The following VWA5B1 variants were observed in gnomAD, a reference collection of about 807,000 sequenced individuals.
VWA5B1 encodes the protein von Willebrand factor A domain-containing protein 5B1.
VWA5B1 carries 115 observed loss-of-function variants against 118.2 expected under a neutral mutation model. The observed-to-expected ratio is 0.97, with a 90% CI of 0.84 to 1.14. VWA5B1 has a LOEUF of 1.14. VWA5B1 is among the 50% of genes most tolerant of loss of function. The pLI is 0.00. For synonymous variants in VWA5B1, 682 were observed against 658.4 expected (o/e 1.04, Z -0.55); for missense variants, 1,596 against 1,603.8 (o/e 1.00, Z 0.08).
At chr1:20,306,612 T>C (rs1570066514) in intron 1 of VWA5B1, among the ~76,000 whole-genome samples, 2 of 152,354 alleles carry the variant, frequency 1.3e-5, no homozygotes, top group East Asian at 3.9e-4. Context: ...GGGAGGCTGC[T>C]GGCACTCATT....
Position 20,310,623 on chromosome 1 carries a change from A to G in VWA5B1, c.22A>G (p.Ile8Val). The change falls in exon 2 of 22, where the codon ATC becomes GTC. Residue 8 changes from isoleucine (I) to valine (V), a missense_variant. Transcript: ENST00000289815. MPGLLNW[I>V]TGAALPLTAS... ...CGGGATGCCCGGCTTGCTGAATTGG[A>G]TCACGGGGGCAGCCCTGCCCCTCAC... The G allele has an allele frequency of 6.5e-7, 1 of 1,545,578 alleles. No individual in the cohort carries two copies. The highest frequency in any genetic ancestry group is 1.2e-5 in the South Asian group (1 of 83,074).
At chr1:20,331,867 AC>A (rs1287660033) in intron 11 of VWA5B1, among the ~76,000 whole-genome samples, 1 of 151,650 alleles carries the variant, frequency 6.6e-6, no homozygotes, top group Non-Finnish European at 1.5e-5. Flanking sequence ...ACTTGCCACA[AC>A]CCCCAAGTCA....
In VWA5B1 at chr1:20,352,132, AGTCGACCTCCGGGAACCAGAGCTTCG is replaced by A. The variant is rs2090142004; in HGVS notation, c.3102_3127del (p.Ser1035LeufsTer22). ...AGCAAGCCACTGATCAAAGCTGTGG[AGTCGACCTCCGGGAACCAGAGCTTCG>A]ACTACATACCTCTGGTGAGTGCCCT... On this transcript the variant is annotated frameshift_variant, in exon 21 of 22. Transcript: ENST00000289815. LOFTEE classifies it low-confidence loss of function (END_TRUNC). 2 of 1,551,230 alleles carry A rather than the reference AGTCGACCTCCGGGAACCAGAGCTTCG, an allele frequency of 1.3e-6. No individual in the cohort carries two copies. The highest frequency in any genetic ancestry group is 1.7e-6 in the Non-Finnish European group (2 of 1,146,924).
At chr1:20,337,581 G>T (rs1032858186) in intron 13 of VWA5B1, 65 bp from the exon 14 acceptor site, 7 of 1,469,282 alleles carry the variant, frequency 4.8e-6, no homozygotes, top group Non-Finnish European at 6.4e-6. Flanking sequence ...CAGGAAAGGG[G>T]ATGCAAGCCC....
rs1220596696 is a variant in VWA5B1, at chr1:20,292,536, T to A, written c.-27+1448T>A. Among the ~76,000 whole-genome samples, 4 of 152,122 alleles carry A rather than the reference T, an allele frequency of 2.6e-5. No individual in the cohort carries two copies. The East Asian group carries it at 7.7e-4, about 29-fold the overall frequency. ...TCGGGGAACTACATGAGTTGGTAAG[T>A]GGGTCTGTGTGTGTATATAAATGTG... On this transcript the variant is annotated intron_variant, in intron 1 of 21. Transcript: ENST00000289815.
At chr1:20,338,869 T>C (rs1253165611) in intron 14 of VWA5B1, 3 of 152,050 alleles carry the variant, frequency 2.0e-5, no homozygotes, top group African/African-American at 7.3e-5. Context: ...TTTTGCCATA[T>C]TGCCCGGGCT....
intron 11 of VWA5B1, 78 bp from the exon 12 acceptor site, chr1:20,332,678 CACTCCCCACT>C: frequency 7.1e-7 from 1 of 1,416,238 alleles, no homozygotes; most frequent in Non-Finnish European, 9.6e-7. Context: ...TCCCTGCTCC[CACTCCCCACT>C]AAGCTGATAC....
At chr1:20,349,670 C>G (rs2090084041) in intron 18 of VWA5B1, among the ~76,000 whole-genome samples, 2 of 151,868 alleles carry the variant, frequency 1.3e-5, no homozygotes, top group South Asian at 2.1e-4. Flanking sequence ...GCATAAGCCA[C>G]CATGCCTGGC....
At chr1:20,291,751 T>A (rs987374663) in intron 1 of VWA5B1, among the ~76,000 whole-genome samples, 8 of 152,194 alleles carry the variant, frequency 5.3e-5, no homozygotes, top group African/African-American at 1.9e-4. Flanking sequence ...CACCCTTTCC[T>A]GAGCCCCGTG....
chr1:20,308,021 C>T (rs183825033), intron 1 of VWA5B1, among the ~76,000 whole-genome samples: 11 of 152,128 alleles, frequency 7.2e-5, no homozygotes, highest in Non-Finnish European at 1.6e-4. Flanking sequence ...TCAACCCTTT[C>T]CCCACTCCTT....
rs369150005 is a variant in VWA5B1 at position 20,303,185 on chromosome 1, G to A, written c.-26-7391G>A. On this transcript the variant is annotated intron_variant, in intron 1 of 21. Transcript: ENST00000289815. The stretch of plus-strand genomic sequence containing the variant: ...ACTTCCTAGAGGGGGCTGGAGATAA[G>A]AAAAGAAGCAAAGGCCCCTAGCCCC... The A allele has an allele frequency of 3.3e-5, 5 of 152,318 alleles. No individual in the cohort carries two copies. The East Asian group carries it at 5.8e-4, about 18-fold the overall frequency. 9.4% of individuals were successfully genotyped at this position (152,318 alleles called of 1,614,324 possible).
intron 16 of VWA5B1, among the ~76,000 whole-genome samples, chr1:20,345,202 T>A (rs908621976): frequency 2.0e-5 from 3 of 152,256 alleles, no homozygotes; most frequent in Non-Finnish European, 4.4e-5. Flanking sequence ...GAAGTAGCTG[T>A]CTTTTATTCT....
intron 1 of VWA5B1, among the ~76,000 whole-genome samples, chr1:20,292,241 C>T (rs545570114): frequency 2.7e-5 from 4 of 150,280 alleles, no homozygotes; most frequent in Admixed American, 2.7e-4. Flanking sequence ...GTCTTCTCTG[C>T]TGAGGCGCAG....
intron 6 of VWA5B1, 90 bp from the exon 7 acceptor site, chr1:20,319,292 C>T: frequency 2.0e-6 from 3 of 1,507,208 alleles, no homozygotes; most frequent in Admixed American, 2.1e-5. Context: ...AGTCCCACCC[C>T]TGTGAGAATC....
chr1:20,334,220 GT>G (rs1258873353), intron 12 of VWA5B1, among the ~76,000 whole-genome samples: 2 of 152,190 alleles, frequency 1.3e-5, no homozygotes, highest in African/African-American at 4.8e-5. Context: ...CAGGTTAATG[GT>G]TAATGTGTTA....
At chr1:20,327,645 G>A (rs866598706) in intron 8 of VWA5B1, among the ~76,000 whole-genome samples, 2 of 151,414 alleles carry the variant, frequency 1.3e-5, no homozygotes, top group Admixed American at 6.6e-5. Flanking sequence ...TGATGACGAC[G>A]ACGACGATGA....
Position 20,343,263 on chromosome 1 carries a change from G to A in VWA5B1, c.2496G>A (p.Gly832=). ...RLQWEVSFEL[G]TPGPERGGAQ... ...AGTGGGAGGTGAGCTTCGAGCTGGG[G>A]ACCCCTGGACCGGAGCGGGGCGGCG... is the stretch of plus-strand genomic sequence containing the variant. Residue 832 remains glycine (G), a synonymous_variant, in exon 16 of 22, where the codon GGG becomes GGA. Coordinates refer to ENST00000289815, the MANE Select transcript of VWA5B1 (RefSeq NM_001039500.3). 1.3e-6 allele frequency: 2 copies of A among 1,548,568 alleles called. No homozygotes were observed.
intron 7 of VWA5B1, chr1:20,323,058 G>C (rs1354162063): frequency 4.3e-6 from 1 of 234,812 alleles, no homozygotes. Flanking sequence ...GACATTATTC[G>C]CCCCATTTTA....
At chr1:20,305,809 G>A (rs2088635155) in intron 1 of VWA5B1, among the ~76,000 whole-genome samples, 1 of 151,886 alleles carries the variant, frequency 6.6e-6, no homozygotes. Context: ...AACTGGAATG[G>A]GAGCCCAACA....
Sources: gnomAD v4.1 joint callset for allele counts (sites outside exome capture counted in the v4.1 genomes callset) on GRCh38, gnomAD v4.1.1 for gene constraint, MANE v1.5 for transcripts, NCBI Gene and HGNC (gene_info 2026-07-23, HGNC 2026-07-21) for gene names.